FUT8: variants seen among roughly 807,000 people sequenced by gnomAD.
The protein encoded by FUT8 is fucosyltransferase 8.
A neutral mutation model predicts 71.3 loss-of-function variants in FUT8; 29 were observed. The observed-to-expected ratio is 0.41, with a 90% CI of 0.30 to 0.55. The LOEUF is 0.55. Among genes scored for constraint, FUT8 ranks in the 20% least tolerant of loss-of-function variants. The probability of loss-of-function intolerance (pLI) is 0.34; values close to 1 mark genes in which losing one functional copy is unlikely to be tolerated. For missense variants in FUT8, 544 were observed against 702.1 expected (o/e 0.77, Z 2.55); for synonymous variants, 254 against 239.3 (o/e 1.06, Z -0.57).
chr14:65,401,997 A>T, the FUT8 span, among the ~76,000 whole-genome samples: 1 of 151,602 alleles, frequency 6.6e-6, no homozygotes, highest in Non-Finnish European at 1.5e-5. Flanking sequence ...ATGGAGGCGC[A>T]GCTTTTTAGG....
intron 8 of FUT8, among the ~76,000 whole-genome samples, chr14:65,723,056 G>A (rs1594938717): frequency 6.6e-6 from 1 of 151,562 alleles, no homozygotes; most frequent in African/African-American, 2.4e-5. Flanking sequence ...GCTCATGCCT[G>A]TAATCACAAC....
chr14:65,683,678 A>G (rs912009853), intron 7 of FUT8, among the ~76,000 whole-genome samples: 1 of 152,186 alleles, frequency 6.6e-6, no homozygotes, highest in African/African-American at 2.4e-5. Context: ...TTTATTCTCA[A>G]AGAGAAAAAA....
At chr14:65,560,342 T>C (rs746886145) in intron 2 of FUT8, among the ~76,000 whole-genome samples, 5 of 152,022 alleles carry the variant, frequency 3.3e-5, no homozygotes, top group Non-Finnish European at 7.4e-5. Flanking sequence ...ATTTTTAAAA[T>C]TAAAGAAAAA....
chr14:65,675,674 C>T (rs1028560068), intron 7 of FUT8, among the ~76,000 whole-genome samples: 11 of 152,034 alleles, frequency 7.2e-5, no homozygotes, highest in Non-Finnish European at 1.3e-4. Flanking sequence ...CAGTGCCAAG[C>T]GTTTGACCAG....
chr14:65,539,418 G>A (rs1884543136), intron 2 of FUT8, among the ~76,000 whole-genome samples: 1 of 152,134 alleles, frequency 6.6e-6, no homozygotes, highest in Non-Finnish European at 1.5e-5. Context: ...TGTGATCTTA[G>A]GCAAATTAAT....
At chr14:65,457,822 A>AG (rs2065913734) in intron 2 of FUT8, 1 of 152,238 alleles carries the variant, frequency 6.6e-6, no homozygotes, top group Non-Finnish European at 1.5e-5. Flanking sequence ...AGGCAGGCCC[A>AG]GGCCTGGTTT....
chr14:65,614,721 C>G (rs934821586), intron 3 of FUT8, among the ~76,000 whole-genome samples: 1 of 152,222 alleles, frequency 6.6e-6, no homozygotes, highest in Non-Finnish European at 1.5e-5. Context: ...CTACCTTCCT[C>G]TTATGAAGAC....
At chr14:65,425,355 A>T (rs2065367829) in intron 1 of FUT8, among the ~76,000 whole-genome samples, 1 of 151,536 alleles carries the variant, frequency 6.6e-6, no homozygotes, top group African/African-American at 2.4e-5. Context: ...TTTAGTAGAG[A>T]CAGGGTTTCT....
intron 6 of FUT8, chr14:65,636,660 T>G (rs1890574819): frequency 6.6e-6 from 1 of 152,230 alleles, no homozygotes; most frequent in Non-Finnish European, 1.5e-5. Context: ...GTTTTAAAGG[T>G]TCCAGTTGGA....
At chr14:65,403,657 A>T in the FUT8 span, among the ~76,000 whole-genome samples, 1 of 152,050 alleles carries the variant, frequency 6.6e-6, no homozygotes, top group African/African-American at 2.4e-5. Context: ...GCCTCTGAAA[A>T]GCTGAACATT....
rs1896560695 is a variant in FUT8, at chr14:65,742,619, A to C, written c.*209A>C. 1.4e-5 allele frequency: 8 copies of C among 560,104 alleles called. No homozygotes were observed. In the East Asian group the frequency reaches 2.3e-4, roughly 16 times the overall value. 34.7% of individuals were successfully genotyped at this position (560,104 alleles called of 1,614,324 possible). On this transcript the variant is annotated 3_prime_UTR_variant, in exon 11 of 11. Coordinates refer to ENST00000673929, the MANE Select transcript of FUT8 (RefSeq NM_001371533.1). ...CAAGGGCTGCAATGCCCTCATACCC[A>C]TGCACAGTACAATAATGTACTCACA...
intron 7 of FUT8, among the ~76,000 whole-genome samples, chr14:65,677,604 C>A (rs991867495): frequency 6.6e-6 from 1 of 152,060 alleles, no homozygotes; most frequent in African/African-American, 2.4e-5. Flanking sequence ...AAAAGTACAA[C>A]TGCCAGCAAA....
At chr14:65,553,776 A>G (rs555976961) in intron 2 of FUT8, among the ~76,000 whole-genome samples, 12 of 151,340 alleles carry the variant, frequency 7.9e-5, no homozygotes, top group Admixed American at 7.9e-4. Flanking sequence ...TCTTTATTAC[A>G]TGTAGTGTGT....
At chr14:65,401,599 A>G in the FUT8 span, among the ~76,000 whole-genome samples, 1 of 152,186 alleles carries the variant, frequency 6.6e-6, no homozygotes, top group African/African-American at 2.4e-5. Context: ...ACCAAAAGGT[A>G]GAATAAAGAA....
At chr14:65,471,168 C>T (rs1424952982) in intron 2 of FUT8, 6 of 272,020 alleles carry the variant, frequency 2.2e-5, no homozygotes, top group Admixed American at 1.1e-4. Flanking sequence ...TAGAACTTTC[C>T]CCCTCATCCC....
chr14:65,550,572 T>G lies in FUT8; in HGVS notation c.-227-10765T>G, dbSNP rs1192745573. 6.6e-6 allele frequency among the ~76,000 whole-genome samples: 1 copy of G among 152,206 alleles called. No homozygotes were observed. Among genetic ancestry groups the G allele is most frequent in the Non-Finnish European group, 1.5e-5 (1 of 68,032 alleles). ...TCATAAAGTTGAAAAATTGTTAAGT[T>G]GAGCCATTGTTAATTTGAGGACCAT... On this transcript the variant is annotated intron_variant, in intron 2 of 10. Coordinates refer to ENST00000673929, the MANE Select transcript of FUT8 (RefSeq NM_001371533.1). This position sits in a 1 kb window ranked among gnomAD's most constrained non-coding sequence, Gnocchi z 4.5.
chr14:65,635,655 A>G (rs1224883231), intron 6 of FUT8, among the ~76,000 whole-genome samples: 2 of 152,210 alleles, frequency 1.3e-5, no homozygotes, highest in African/African-American at 2.4e-5. Context: ...TGCGTATATT[A>G]AACCATCCCT....
At chr14:65,677,139 T>C (rs1344113501) in intron 7 of FUT8, among the ~76,000 whole-genome samples, 2 of 110,894 alleles carry the variant, frequency 1.8e-5, no homozygotes, top group Non-Finnish European at 4.0e-5. Context: ...TGTGTGTGTG[T>C]GTGTGTGTGT....
At chr14:65,688,090 ATATAT>A (rs1462672954) in intron 7 of FUT8, among the ~76,000 whole-genome samples, 3 of 152,238 alleles carry the variant, frequency 2.0e-5, no homozygotes, top group East Asian at 1.9e-4. Flanking sequence ...AGTGATATTG[ATATAT>A]TATTAACTGA....
Sources: allele counts gnomAD v4.1 joint callset (sites outside exome capture counted in the v4.1 genomes callset), GRCh38; gene constraint gnomAD v4.1.1; non-coding constraint Gnocchi (gnomAD v3.1); transcripts MANE v1.5; gene names NCBI Gene and HGNC (gene_info 2026-07-23, HGNC 2026-07-21).